The following TENM2 variants were observed in gnomAD, a reference collection of about 807,000 sequenced individuals.
TENM2 encodes the protein teneurin transmembrane protein 2.
In TENM2, 52 loss-of-function variants were observed where a neutral mutation model predicts 245.2. The observed-to-expected ratio is 0.21, with a 90% confidence interval of 0.17 to 0.27. The LOEUF (loss-of-function observed/expected upper bound fraction) is 0.27. TENM2 is among the 10% of genes least tolerant of loss of function. The pLI, the probability that TENM2 is intolerant of heterozygous loss-of-function variation, is 1.00. For missense variants in TENM2, 3,046 were observed against 3,666.8 expected, an observed-to-expected ratio of 0.83 and a Z score of 4.37; for synonymous variants, 1,363 against 1,438.9, an observed-to-expected ratio of 0.95 and a Z score of 1.19.
At chr5:168,192,778 G>A (rs1248831930) in intron 14 of TENM2, among the ~76,000 whole-genome samples, 12 of 152,162 alleles carry the variant, frequency 7.9e-5, no homozygotes, top group African/African-American at 2.4e-4. Context: ...AGAGACCCGT[G>A]ACTGGGCAGA....
At chr5:168,019,303 A>G (rs1011978090) in intron 5 of TENM2, among the ~76,000 whole-genome samples, 12 of 152,182 alleles carry the variant, frequency 7.9e-5, no homozygotes, top group Non-Finnish European at 1.8e-4. Flanking sequence ...CCCGCCAACA[A>G]TTCTGAGTGG....
chr5:167,621,729 T>C (rs1298353847), intron 2 of TENM2, among the ~76,000 whole-genome samples: 2 of 152,100 alleles, frequency 1.3e-5, no homozygotes, highest in Non-Finnish European at 2.9e-5. Context: ...AATTAACAAG[T>C]ATATTGGATA....
chr5:167,565,689 G>A (rs1773861044), intron 2 of TENM2, among the ~76,000 whole-genome samples: 3 of 152,146 alleles, frequency 2.0e-5, no homozygotes, highest in African/African-American at 7.2e-5. Flanking sequence ...CATAGACGGA[G>A]AAGTTGAGGT....
chr5:167,015,026 C>A, the TENM2 span, among the ~76,000 whole-genome samples: 1 of 152,158 alleles, frequency 6.6e-6, no homozygotes, highest in East Asian at 1.9e-4. Flanking sequence ...CTAGCTCTAA[C>A]AGAAGGCTTT....
chr5:168,253,180 G>A lies in TENM2; in HGVS notation c.7432+4809G>A, dbSNP rs542364218. ...GATGGGGTTTCACTGTGTTAGCCAG[G>A]ATGTTCTCAATCTCCTGATCTTGTG... On this transcript the variant is annotated intron_variant, in intron 27 of 28. Coordinates refer to ENST00000518659, the Ensembl canonical transcript of TENM2. Among the ~76,000 whole-genome samples, 26 of 152,128 alleles carry A rather than the reference G, an allele frequency of 1.7e-4. No homozygotes were observed. The South Asian group carries it at 5.0e-3, about 29-fold the overall frequency.
At chr5:167,029,861 G>T in the TENM2 span, among the ~76,000 whole-genome samples, 1 of 152,130 alleles carries the variant, frequency 6.6e-6, no homozygotes, top group Non-Finnish European at 1.5e-5. Flanking sequence ...TTGTGTAAGG[G>T]AATATAAAGT....
intron 2 of TENM2, among the ~76,000 whole-genome samples, chr5:167,490,707 A>G (rs1167602254): frequency 6.6e-6 from 1 of 152,138 alleles, no homozygotes; most frequent in Non-Finnish European, 1.5e-5. Flanking sequence ...GTTAACATTG[A>G]TATAGAAAAC....
intron 2 of TENM2, among the ~76,000 whole-genome samples, chr5:167,622,568 C>T (rs543097938): frequency 2.0e-5 from 3 of 152,204 alleles, no homozygotes; most frequent in Admixed American, 2.0e-4. Context: ...ATTATTTCTT[C>T]CATAATATAG....
chr5:166,995,908 G>C, the TENM2 span, among the ~76,000 whole-genome samples: 1 of 151,118 alleles, frequency 6.6e-6, no homozygotes, highest in Non-Finnish European at 1.5e-5. Flanking sequence ...AAAAATACGT[G>C]TTGAGGGAAT....
chr5:168,210,938 T>C (rs1762759641), intron 19 of TENM2, among the ~76,000 whole-genome samples: 1 of 152,220 alleles, frequency 6.6e-6, no homozygotes, highest in Non-Finnish European at 1.5e-5. Flanking sequence ...ATTTCTTCCC[T>C]TAAAACAACA....
At chr5:167,933,101 T>C (rs1778412133) in intron 3 of TENM2, among the ~76,000 whole-genome samples, 1 of 152,194 alleles carries the variant, frequency 6.6e-6, no homozygotes, top group African/African-American at 2.4e-5. Flanking sequence ...GCACGGTCAG[T>C]GTTCTTGACA....
At chr5:167,677,264 G>A (rs1756394338) in intron 2 of TENM2, among the ~76,000 whole-genome samples, 1 of 151,912 alleles carries the variant, frequency 6.6e-6, no homozygotes, top group Admixed American at 6.6e-5. Flanking sequence ...ATTCTTTAAA[G>A]CAAAGAATCA....
At chr5:168,187,578 A>G (rs1049214724) in intron 13 of TENM2, 1 of 152,238 alleles carries the variant, frequency 6.6e-6, no homozygotes, top group African/African-American at 2.4e-5. Flanking sequence ...AAGCCCTGCC[A>G]GCATATCTCA....
intron 2 of TENM2, among the ~76,000 whole-genome samples, chr5:167,626,734 G>A (rs1778530182): frequency 6.6e-6 from 1 of 152,120 alleles, no homozygotes; most frequent in Non-Finnish European, 1.5e-5. Flanking sequence ...AAGCAAAAGG[G>A]AAATCATTGG....
chr5:167,220,980 C>A, the TENM2 span, among the ~76,000 whole-genome samples: 2 of 152,116 alleles, frequency 1.3e-5, no homozygotes, highest in Admixed American at 1.3e-4. Flanking sequence ...GAGCCTACCA[C>A]CATGCTCAGC....
intron 12 of TENM2, chr5:168,129,192 C>G (rs558374804): frequency 6.6e-6 from 1 of 152,294 alleles, no homozygotes; most frequent in South Asian, 2.1e-4. Context: ...CAACTTTGGT[C>G]TCAGCAGAGA....
intron 3 of TENM2, among the ~76,000 whole-genome samples, chr5:167,877,804 C>T (rs1162152704): frequency 6.6e-6 from 1 of 152,194 alleles, no homozygotes; most frequent in Admixed American, 6.5e-5. Context: ...TTTTTACTTT[C>T]ATCAGAACCT....
the TENM2 span, among the ~76,000 whole-genome samples, chr5:167,108,181 A>C: frequency 6.6e-6 from 1 of 151,726 alleles, no homozygotes; most frequent in Non-Finnish European, 1.5e-5. Flanking sequence ...GCTGGAGTGC[A>C]GTGGTGCAAT....
At chr5:167,565,335 C>T (rs1466571296) in intron 2 of TENM2, among the ~76,000 whole-genome samples, 2 of 152,042 alleles carry the variant, frequency 1.3e-5, no homozygotes, top group East Asian at 3.9e-4. Context: ...CACTTAGTGC[C>T]GTGACTACAC....
Sources: gnomAD v4.1 joint callset for allele counts (sites outside exome capture counted in the v4.1 genomes callset) on GRCh38, gnomAD v4.1.1 for gene constraint, MANE v1.5 for transcripts, NCBI Gene and HGNC (gene_info 2026-07-23, HGNC 2026-07-21) for gene names.